Variants in LDLRAD3 observed in about 807,000 individuals in gnomAD.
The protein encoded by LDLRAD3 is low-density lipoprotein receptor class A domain-containing protein 3.
A neutral mutation model predicts 29.4 loss-of-function variants in LDLRAD3; 20 were observed. That is an observed-to-expected ratio of 0.68 (90% CI 0.48 to 0.99). The LOEUF (loss-of-function observed/expected upper bound fraction) is 0.99, where lower values mean the gene tolerates loss of function less well. Ranked by LOEUF, LDLRAD3 falls within the 50% of genes least tolerant of loss-of-function variation. The probability of loss-of-function intolerance (pLI) is 0.00; values close to 1 mark genes in which losing one functional copy is unlikely to be tolerated. For synonymous variants in LDLRAD3, 157 were observed against 192.7 expected, an observed-to-expected ratio of 0.81 and a Z score of 1.53; for missense variants, 420 against 454.3, an observed-to-expected ratio of 0.92 and a Z score of 0.69.
At chr11:36,060,130 G>A (rs1301198102) in intron 2 of LDLRAD3, among the ~76,000 whole-genome samples, 1 of 152,160 alleles carries the variant, frequency 6.6e-6, no homozygotes, top group Non-Finnish European at 1.5e-5. Flanking sequence ...CAAGGCAGGT[G>A]GATCACGAGG....
chr11:36,081,835 T>G, intron 3 of LDLRAD3, 57 bp downstream of exon 3: 1 of 1,601,722 alleles, frequency 6.2e-7, no homozygotes, highest in Non-Finnish European at 8.5e-7. Flanking sequence ...CAGCCAAACT[T>G]GTCCACATTG....
At chr11:36,057,826 T>A (rs1852643268) in intron 2 of LDLRAD3, among the ~76,000 whole-genome samples, 1 of 152,204 alleles carries the variant, frequency 6.6e-6, no homozygotes, top group Non-Finnish European at 1.5e-5. Flanking sequence ...AACCACACAT[T>A]TGCGTCACCA....
chr11:35,970,295 A>G (rs1422707321), intron 1 of LDLRAD3, among the ~76,000 whole-genome samples: 1 of 151,944 alleles, frequency 6.6e-6, no homozygotes, highest in African/African-American at 2.4e-5. Flanking sequence ...AGTGGGCCCT[A>G]ATTCCCATGA....
chr11:36,140,532 G>C (rs1565252094), intron 4 of LDLRAD3, among the ~76,000 whole-genome samples: 2 of 152,054 alleles, frequency 1.3e-5, no homozygotes, highest in African/African-American at 4.8e-5. Flanking sequence ...GGGCTCAAGC[G>C]ATCCTCCCAC....
At chr11:36,058,091 C>A (rs991167213) in intron 2 of LDLRAD3, among the ~76,000 whole-genome samples, 3 of 152,202 alleles carry the variant, frequency 2.0e-5, no homozygotes, top group African/African-American at 4.8e-5. Flanking sequence ...TAACAACAAC[C>A]CTCCAGTGGC....
chr11:35,990,452 C>G (rs1350351279), intron 1 of LDLRAD3, among the ~76,000 whole-genome samples: 4 of 151,906 alleles, frequency 2.6e-5, no homozygotes, highest in African/African-American at 7.3e-5. Context: ...GAATCTCGCT[C>G]TGTCACCCAG....
chr11:36,105,238 T>TGTGTGTGTGTGA (rs1343780985), intron 4 of LDLRAD3, among the ~76,000 whole-genome samples: 88 of 128,430 alleles, frequency 6.9e-4, no homozygotes, highest in African/African-American at 1.2e-3. Flanking sequence ...TGTGTGTGTG[T>TGTGTGTGTGTGA]GAGAGAGAGA....
At chr11:36,222,685 G>A (rs549612320) in intron 4 of LDLRAD3, among the ~76,000 whole-genome samples, 2 of 152,262 alleles carry the variant, frequency 1.3e-5, no homozygotes, top group South Asian at 4.1e-4. Context: ...TGCTGGTCCA[G>A]ACAGCACCTC....
chr11:36,186,001 T>C (rs12794494), intron 4 of LDLRAD3, among the ~76,000 whole-genome samples: 6,026 of 152,258 alleles, frequency 0.04, 396 homozygotes, highest in African/African-American at 0.13. Context: ...AAGAAAGCTC[T>C]AGCCAGGGAG....
At chr11:36,011,814 G>A (rs1404827118) in intron 1 of LDLRAD3, among the ~76,000 whole-genome samples, 1 of 152,064 alleles carries the variant, frequency 6.6e-6, no homozygotes, top group Non-Finnish European at 1.5e-5. Context: ...GATGCAGTGT[G>A]GATTAAATGA....
At chr11:36,170,359 T>TAC (rs1267261515) in intron 4 of LDLRAD3, among the ~76,000 whole-genome samples, 2 of 150,524 alleles carry the variant, frequency 1.3e-5, no homozygotes, top group South Asian at 2.1e-4. Flanking sequence ...TACATATATA[T>TAC]ACACACACAC....
intron 1 of LDLRAD3, among the ~76,000 whole-genome samples, chr11:36,021,823 C>CT (rs1565167202): frequency 1.3e-5 from 2 of 151,970 alleles, no homozygotes; most frequent in Non-Finnish European, 2.9e-5. Flanking sequence ...TTAATTCTTT[C>CT]TTTTTTTGGT....
chr11:36,011,084 C>T (rs1291471915), intron 1 of LDLRAD3, among the ~76,000 whole-genome samples: 4 of 152,218 alleles, frequency 2.6e-5, no homozygotes, highest in African/African-American at 4.8e-5. Flanking sequence ...CAATTACAGG[C>T]GTGAGCCACC....
rs1190984330 is a variant in LDLRAD3 at position 36,036,089 on chromosome 11, C to CCT, written c.47-7_47-6dup. 1.9e-6 allele frequency: 3 copies of CCT among 1,612,620 alleles called. No individual in the cohort carries two copies. In the South Asian group the frequency reaches 3.3e-5, roughly 18 times the overall value. ...TGTTGCTGTGCCGTCTGACCTGTCC[C>CCT]CTCTCTCTGACAGAGAGCCAGCTGC... On this transcript the variant is annotated splice_polypyrimidine_tract_variant and intron_variant, in intron 1 of 5. Coordinates refer to ENST00000315571, the MANE Select transcript of LDLRAD3 (RefSeq NM_174902.4).
chr11:35,972,331 A>G (rs909844810), intron 1 of LDLRAD3: 1 of 152,220 alleles, frequency 6.6e-6, no homozygotes, highest in Non-Finnish European at 1.5e-5. Flanking sequence ...AGTTATCAGC[A>G]TGGAGATGTT....
chr11:36,007,601 G>C (rs2133184109), intron 1 of LDLRAD3, among the ~76,000 whole-genome samples: 1 of 152,308 alleles, frequency 6.6e-6, no homozygotes, highest in East Asian at 1.9e-4. Context: ...TTCTTCAGCA[G>C]TCCTCCTCAG....
At chr11:35,999,455 C>T (rs1416457827) in intron 1 of LDLRAD3, among the ~76,000 whole-genome samples, 1 of 152,150 alleles carries the variant, frequency 6.6e-6, no homozygotes, top group Non-Finnish European at 1.5e-5. Context: ...CAGCCACAAG[C>T]CTCTCCAGAA....
At chr11:36,129,110 G>A (rs1853887516) in intron 4 of LDLRAD3, among the ~76,000 whole-genome samples, 1 of 152,152 alleles carries the variant, frequency 6.6e-6, no homozygotes, top group Non-Finnish European at 1.5e-5. Flanking sequence ...ACCAGCCCCT[G>A]CCTCCAGCTC....
At chr11:36,183,007 A>G (rs906916267) in intron 4 of LDLRAD3, among the ~76,000 whole-genome samples, 1 of 152,236 alleles carries the variant, frequency 6.6e-6, no homozygotes, top group Non-Finnish European at 1.5e-5. Context: ...TGAGGAAACA[A>G]GAAGGGGGCC....
Sources: allele counts gnomAD v4.1 joint callset (sites outside exome capture counted in the v4.1 genomes callset), GRCh38; gene constraint gnomAD v4.1.1; transcripts MANE v1.5; gene names NCBI Gene and HGNC (gene_info 2026-07-23, HGNC 2026-07-21).